USP13: variants seen among roughly 807,000 people sequenced by gnomAD.
USP13 encodes ubiquitin carboxyl-terminal hydrolase 13.
Under a neutral mutation model 107.8 loss-of-function variants are expected in USP13, and 68 were observed. That is an observed-to-expected ratio of 0.63 (90% CI 0.52 to 0.77). The LOEUF (loss-of-function observed/expected upper bound fraction) is 0.77, where lower values mean the gene tolerates loss of function less well. Among genes scored for constraint, USP13 ranks in the 30% least tolerant of loss-of-function variants. The pLI, the probability that USP13 is intolerant of heterozygous loss-of-function variation, is 0.00. For missense variants in USP13, 945 were observed against 1,093.3 expected, an observed-to-expected ratio of 0.86 and a Z score of 1.91; for synonymous variants, 377 against 389.5, an observed-to-expected ratio of 0.97 and a Z score of 0.38.
At chr3:179,684,271 A>ACG in intron 2 of USP13, among the ~76,000 whole-genome samples, 1 of 10,412 alleles carries the variant, frequency 9.6e-5, no homozygotes, top group South Asian at 3.9e-3. Flanking sequence ...ATCACCCTTT[A>ACG]CACACACACA....
intron 19 of USP13, among the ~76,000 whole-genome samples, chr3:179,770,781 T>C (rs1293608429): frequency 6.6e-6 from 1 of 152,096 alleles, no homozygotes; most frequent in Admixed American, 6.5e-5. Context: ...ATTTTTATAC[T>C]GTTTTTAGTA....
At chr3:179,728,776 T>G (rs992252739) in intron 8 of USP13, among the ~76,000 whole-genome samples, 93 of 152,140 alleles carry the variant, frequency 6.1e-4, no homozygotes, top group Non-Finnish European at 1.1e-3. Flanking sequence ...GGTTAGGGGC[T>G]GGAGACCGGC....
chr3:179,753,666 A>C (rs1012237518), intron 14 of USP13, among the ~76,000 whole-genome samples: 1 of 152,092 alleles, frequency 6.6e-6, no homozygotes, highest in South Asian at 2.1e-4. Flanking sequence ...GCCCCCTGAA[A>C]TTTAAATTTG....
chr3:179,749,589 A>C (rs371128418), intron 13 of USP13, among the ~76,000 whole-genome samples: 18 of 152,316 alleles, frequency 1.2e-4, no homozygotes, highest in African/African-American at 4.1e-4. Flanking sequence ...CAGTTACTAC[A>C]TGTGAGCGAT....
chr3:179,694,617 T>C (rs1712222658), intron 3 of USP13, among the ~76,000 whole-genome samples: 1 of 151,844 alleles, frequency 6.6e-6, no homozygotes, highest in Non-Finnish European at 1.5e-5. Context: ...CTGGCCAACG[T>C]GGTGAAACCC....
chr3:179,671,877 G>A (rs1720759258), intron 1 of USP13, among the ~76,000 whole-genome samples: 1 of 152,090 alleles, frequency 6.6e-6, no homozygotes, highest in Non-Finnish European at 1.5e-5. Context: ...GCGTGGATTT[G>A]TTGTGACTCC....
chr3:179,735,911 G>C (rs1308641343), intron 10 of USP13, among the ~76,000 whole-genome samples: 1 of 152,120 alleles, frequency 6.6e-6, no homozygotes, highest in African/African-American at 2.4e-5. Flanking sequence ...ACAGTGGCGT[G>C]TGTCTGTAGT....
At chr3:179,781,564 GAGTTT>G (rs2108557612) in intron 19 of USP13, among the ~76,000 whole-genome samples, 170 bp from the exon 20 acceptor site, 1 of 152,226 alleles carries the variant, frequency 6.6e-6, no homozygotes, top group East Asian at 1.9e-4. Flanking sequence ...TTTGCAGGTT[GAGTTT>G]AGTGTCCCTC....
chr3:179,768,181 T>A (rs1715236493), intron 19 of USP13, among the ~76,000 whole-genome samples: 2 of 152,166 alleles, frequency 1.3e-5, no homozygotes, highest in African/African-American at 2.4e-5. Flanking sequence ...AGAGGATGAG[T>A]CCCTGCGGAA....
chr3:179,767,841 C>T (rs1715226550), intron 19 of USP13, among the ~76,000 whole-genome samples: 1 of 152,160 alleles, frequency 6.6e-6, no homozygotes, highest in Non-Finnish European at 1.5e-5. Flanking sequence ...CATTAATGTT[C>T]TTTCCAGACC....
At position 179,705,669 on chromosome 3, in the gene USP13, C is replaced by CTA. The variant is rs377520051; in HGVS notation, c.478-1263_478-1262dup. On this transcript the variant is annotated intron_variant, in intron 4 of 20. Coordinates refer to ENST00000263966, the MANE Select transcript of USP13 (RefSeq NM_003940.3). The stretch of plus-strand genomic sequence containing the variant: ...TACATACAACATTTTGTTTTACATT[C>CTA]TATTTGTTATGTCCATAAGCATTTG... 2.9e-3 allele frequency among the ~76,000 whole-genome samples: 440 copies of CTA among 152,190 alleles called. 4 individuals are homozygous for CTA. Among genetic ancestry groups the CTA allele is most frequent in the African/African-American group, 9.8e-3 (407 of 41,520 alleles).
chr3:179,785,445 G>A lies in USP13; in HGVS notation c.*1304G>A, dbSNP rs568030806. 13 of 152,260 alleles carry A rather than the reference G, an allele frequency of 8.5e-5. No homozygotes were observed. Among genetic ancestry groups the A allele is most frequent in the East Asian group, 7.7e-4 (4 of 5,184 alleles). 9.4% of individuals were successfully genotyped at this position (152,260 alleles called of 1,614,324 possible). A position where few individuals can be genotyped will look rare whatever the true frequency, so the allele number is the denominator to read the frequency against. ...CTGGGATTAGATTAGAGTTTCCAAC[G>A]TGATGAAAAGTGGAATGATAGCATT... On this transcript the variant is annotated 3_prime_UTR_variant, in exon 21 of 21. Coordinates refer to ENST00000263966, the MANE Select transcript of USP13 (RefSeq NM_003940.3).
chr3:179,744,933 C>A, intron 12 of USP13, 110 bp from the exon 13 acceptor site: 1 of 1,353,806 alleles, frequency 7.4e-7, no homozygotes. Context: ...GACAAATAAG[C>A]AACTCTGGCC....
chr3:179,662,536 G>A (rs1012216483), intron 1 of USP13, among the ~76,000 whole-genome samples: 1 of 152,112 alleles, frequency 6.6e-6, no homozygotes, highest in African/African-American at 2.4e-5. Flanking sequence ...AGACTTTAGT[G>A]CTATAGCTTA....
intron 4 of USP13, among the ~76,000 whole-genome samples, chr3:179,706,139 G>A (rs758656392): frequency 1.3e-5 from 2 of 152,174 alleles, no homozygotes; most frequent in African/African-American, 4.8e-5. Flanking sequence ...GCTGGGTCAT[G>A]CGATAACTCT....
In USP13 at chr3:179,707,072, C is replaced by G. The variant is rs1361544417; in HGVS notation, c.616C>G (p.Pro206Ala). Residue 206 changes from proline to alanine, a missense_variant, in exon 5 of 21, where the codon CCA (proline) becomes GCA (alanine). Physicochemically the swap from Pro to Ala is conservative, Grantham distance 27 (BLOSUM62 -1). Transcript: ENST00000263966. ...TQLDNGVRIP[P>A]SGWKCARCDL... ...GCTGGACAATGGAGTCAGGATTCCT[C>G]CAAGGTGAGAGTCAGATAGCAGAAT... 1.2e-6 allele frequency: 2 copies of G among 1,613,272 alleles called. No homozygotes were observed. Among genetic ancestry groups the G allele is most frequent in the Non-Finnish European group, 1.7e-6 (2 of 1,179,768 alleles).
At chr3:179,726,922 T>C (rs1202410175) in intron 8 of USP13, among the ~76,000 whole-genome samples, 2 of 152,060 alleles carry the variant, frequency 1.3e-5, no homozygotes, top group African/African-American at 4.8e-5. Flanking sequence ...CAAGCAATCT[T>C]CGCCCCTCGG....
chr3:179,685,189 T>G (rs1711827977), intron 2 of USP13, among the ~76,000 whole-genome samples: 1 of 101,460 alleles, frequency 9.9e-6, no homozygotes, highest in African/African-American at 3.5e-5. Flanking sequence ...ACCCTATAAT[T>G]TTTTTTTTTA....
At chr3:179,696,564 C>A (rs1192933293) in intron 3 of USP13, among the ~76,000 whole-genome samples, 1 of 152,128 alleles carries the variant, frequency 6.6e-6, no homozygotes, top group Non-Finnish European at 1.5e-5. Context: ...GAACTCCTGA[C>A]CTCGTGATCT....
Sources: allele counts gnomAD v4.1 joint callset (sites outside exome capture counted in the v4.1 genomes callset), GRCh38; gene constraint gnomAD v4.1.1; transcripts MANE v1.5; gene names NCBI Gene and HGNC (gene_info 2026-07-23, HGNC 2026-07-21).